KCNQ5: variants seen among roughly 807,000 people sequenced by gnomAD.
KCNQ5 encodes the protein potassium voltage-gated channel subfamily KQT member 5.
In KCNQ5, 30 loss-of-function variants were observed where a neutral mutation model predicts 98.2. The ratio of observed to expected loss-of-function variants is 0.31; its 90% CI spans 0.23 to 0.41. KCNQ5 has a LOEUF of 0.41. Among genes scored for constraint, KCNQ5 ranks in the 10% least tolerant of loss-of-function variants. KCNQ5 has a pLI of 1.00. For synonymous variants in KCNQ5, 458 were observed against 449.4 expected (o/e 1.02, Z -0.24); for missense variants, 835 against 1,182.5 (o/e 0.71, Z 4.31).
intron 5 of KCNQ5, among the ~76,000 whole-genome samples, chr6:73,093,351 C>T (rs1277966063): frequency 6.6e-6 from 1 of 151,944 alleles, no homozygotes; most frequent in Non-Finnish European, 1.5e-5. Context: ...TTTTAAAGAA[C>T]CAGCTTTTTG....
intron 1 of KCNQ5, among the ~76,000 whole-genome samples, chr6:72,855,002 G>C (rs981924713): frequency 6.6e-6 from 1 of 151,878 alleles, no homozygotes; most frequent in African/African-American, 2.4e-5. Flanking sequence ...GGAACAAGAA[G>C]TGCTATACAA....
intron 3 of KCNQ5, among the ~76,000 whole-genome samples, chr6:73,072,839 C>A (rs1386673311): frequency 6.6e-6 from 1 of 152,080 alleles, no homozygotes; most frequent in Admixed American, 6.6e-5. Flanking sequence ...TACTTCCCAA[C>A]TTGTTCTAAT....
chr6:73,016,579 A>C (rs537947614), intron 2 of KCNQ5, among the ~76,000 whole-genome samples: 2 of 152,126 alleles, frequency 1.3e-5, no homozygotes, highest in Non-Finnish European at 2.9e-5. Flanking sequence ...GCAGGACCTG[A>C]CTTTAGAATG....
intron 1 of KCNQ5, among the ~76,000 whole-genome samples, chr6:72,978,825 C>T (rs1768284277): frequency 6.6e-6 from 1 of 152,186 alleles, no homozygotes. Flanking sequence ...TATCCCTCCC[C>T]CATCCCCTGA....
intron 1 of KCNQ5, among the ~76,000 whole-genome samples, chr6:72,890,340 G>A (rs976779811): frequency 6.6e-6 from 1 of 150,854 alleles, no homozygotes; most frequent in African/African-American, 2.4e-5. Context: ...TAAAGGGTAC[G>A]ATGCCATATT....
intron 10 of KCNQ5, among the ~76,000 whole-genome samples, chr6:73,155,629 T>C (rs974380613): frequency 6.6e-6 from 1 of 152,232 alleles, no homozygotes; most frequent in Admixed American, 6.5e-5. Flanking sequence ...CCATCTATGC[T>C]GAGAAATCGA....
In KCNQ5 at chr6:73,165,349, C is replaced by T. The variant is rs117804589; in HGVS notation, c.1469-4397C>T. 1.7e-4 allele frequency among the ~76,000 whole-genome samples: 26 copies of T among 152,258 alleles called. No homozygotes were observed. The East Asian group carries it at 5.0e-3, about 29-fold the overall frequency. On this transcript the variant is annotated intron_variant, in intron 10 of 13. Coordinates refer to ENST00000370398, the MANE Select transcript of KCNQ5 (RefSeq NM_019842.4). ...CTTTGGGGAGCTAACATCTGGGCATCTCCCAGGGCTCTATAATGATGGCTG... is the reference window on the plus strand; with the variant it reads ...CTTTGGGGAGCTAACATCTGGGCATTTCCCAGGGCTCTATAATGATGGCTG...
chr6:72,637,409 G>T (rs2154471853), intron 1 of KCNQ5, among the ~76,000 whole-genome samples: 1 of 152,048 alleles, frequency 6.6e-6, no homozygotes, highest in Middle Eastern at 3.4e-3. Flanking sequence ...GAATGAGTGA[G>T]TGCCCACTGC....
chr6:73,061,330 C>A (rs1397388628), intron 3 of KCNQ5, among the ~76,000 whole-genome samples: 2 of 151,956 alleles, frequency 1.3e-5, no homozygotes, highest in Non-Finnish European at 2.9e-5. Flanking sequence ...TAAGATTTTT[C>A]AGCATTTACC....
At position 73,163,221 on chromosome 6, in the gene KCNQ5, A is replaced by G. The variant is rs79476772; in HGVS notation, c.1469-6525A>G. Reference sequence around the variant, plus strand: ...CTGGGCAACATAACAAGACCTCTCCATCTCTGCAAAGAATTAAAAAATAAA... The same window carrying G: ...CTGGGCAACATAACAAGACCTCTCCGTCTCTGCAAAGAATTAAAAAATAAA... On this transcript the variant is annotated intron_variant, in intron 10 of 13. Coordinates refer to ENST00000370398, the MANE Select transcript of KCNQ5 (RefSeq NM_019842.4). 8.7e-3 allele frequency among the ~76,000 whole-genome samples: 1,257 copies of G among 144,662 alleles called. 22 individuals carry two copies. Among genetic ancestry groups the G allele is most frequent in the African/African-American group, 0.032 (1,213 of 37,980 alleles). 94.9% of individuals were successfully genotyped at this position (144,662 alleles called of 152,430 possible).
At chr6:72,851,374 G>A (rs1018547583) in intron 1 of KCNQ5, among the ~76,000 whole-genome samples, 3 of 152,124 alleles carry the variant, frequency 2.0e-5, no homozygotes, top group African/African-American at 4.8e-5. Flanking sequence ...GCACTCATCA[G>A]TCAGGAACTG....
intron 9 of KCNQ5, among the ~76,000 whole-genome samples, chr6:73,131,314 T>C (rs1268534755): frequency 2.6e-5 from 4 of 152,138 alleles, no homozygotes; most frequent in Non-Finnish European, 4.4e-5. Flanking sequence ...ATGTATTTAG[T>C]TGACATAGAA....
chr6:72,741,783 A>G (rs1771142179), intron 1 of KCNQ5, among the ~76,000 whole-genome samples: 1 of 152,206 alleles, frequency 6.6e-6, no homozygotes, highest in Admixed American at 6.5e-5. Context: ...ATGAGAAAAA[A>G]ACAAAACCCA....
At chr6:72,997,293 A>C (rs1190796832) in intron 1 of KCNQ5, among the ~76,000 whole-genome samples, 1 of 152,036 alleles carries the variant, frequency 6.6e-6, no homozygotes, top group African/African-American at 2.4e-5. Flanking sequence ...CTCTGAGGGA[A>C]ACCTCTTGAA....
rs775746757 is a variant in KCNQ5, at chr6:73,169,752, C to T, written c.1475C>T (p.Thr492Ile). Residue 492 changes from threonine (T) to isoleucine (I), a missense_variant, in exon 11 of 14, where the codon ACA (threonine) becomes ATA (isoleucine). By Grantham distance (89) the Thr-to-Ile change is moderately conservative (BLOSUM62 -1). Around this residue, in one of 10 missense-constraint regions of KCNQ5, gnomAD observed 146 missense variants for 256.7 expected, o/e 0.57. Coordinates refer to ENST00000370398, the MANE Select transcript of KCNQ5 (RefSeq NM_019842.4). ...TGGCAATATTCTCTTGCAGCTGACACAGCCCTTGGCACTGATGATGTATAT... is the reference window on the plus strand; with the variant it reads ...TGGCAATATTCTCTTGCAGCTGACATAGCCCTTGGCACTGATGATGTATAT... ...SQPKPVIDAD[T>I]ALGTDDVYDE... The T allele has an allele frequency of 3.1e-5, 50 of 1,610,990 alleles. 1 individual carries two copies. The East Asian group carries it at 1.1e-3, about 35-fold the overall frequency.
chr6:72,854,240 G>C (rs888412911), intron 1 of KCNQ5, among the ~76,000 whole-genome samples: 1 of 149,450 alleles, frequency 6.7e-6, no homozygotes, highest in Non-Finnish European at 1.5e-5. Flanking sequence ...CATTAGAAAA[G>C]GGGGGAAATA....
intron 1 of KCNQ5, among the ~76,000 whole-genome samples, chr6:72,700,832 A>T (rs1038477894): frequency 6.6e-6 from 1 of 152,172 alleles, no homozygotes; most frequent in African/African-American, 2.4e-5. Flanking sequence ...CAGGCCCAGA[A>T]TGGCTGAGCA....
intron 10 of KCNQ5, chr6:73,158,258 T>TTTTTTTTGTTG: frequency 8.3e-5 from 2 of 24,212 alleles, no homozygotes; most frequent in Non-Finnish European, 6.1e-5. Flanking sequence ...TGGAAGATTT[T>TTTTTTTTGTTG]TTTTTTTTTT....
intron 1 of KCNQ5, among the ~76,000 whole-genome samples, chr6:72,946,254 C>A (rs943152099): frequency 1.3e-5 from 2 of 152,082 alleles, no homozygotes; most frequent in Non-Finnish European, 2.9e-5. Flanking sequence ...AATGTTAAAG[C>A]AATTATGCCT....
Sources: gnomAD v4.1 joint callset for allele counts (sites outside exome capture counted in the v4.1 genomes callset) on GRCh38, gnomAD v4.1.1 for gene constraint, gnomAD v4.1.1 regional missense constraint, MANE v1.5 for transcripts, NCBI Gene and HGNC (gene_info 2026-07-23, HGNC 2026-07-21) for gene names.